SV2C: variants seen among roughly 807,000 people sequenced by gnomAD.
The protein encoded by SV2C is solute carrier family 22 member B3.
Under a neutral mutation model 79.7 loss-of-function variants are expected in SV2C, and 49 were observed. The observed-to-expected ratio is 0.61, with a 90% confidence interval of 0.49 to 0.78. The LOEUF (loss-of-function observed/expected upper bound fraction) is 0.78. SV2C is among the 30% of genes least tolerant of loss of function. The pLI is 0.00. For missense variants in SV2C, 833 were observed against 912.9 expected, an observed-to-expected ratio of 0.91 and a Z score of 1.13; for synonymous variants, 334 against 333.2, an observed-to-expected ratio of 1.00 and a Z score of -0.03.
the SV2C span, among the ~76,000 whole-genome samples, chr5:75,956,536 T>G: frequency 6.6e-6 from 1 of 151,876 alleles, no homozygotes; most frequent in Admixed American, 6.6e-5. Context: ...CTCTAAAACT[T>G]AAAGTATAAA....
At chr5:76,106,295 C>T (rs992776172) in intron 1 of SV2C, among the ~76,000 whole-genome samples, 1 of 152,128 alleles carries the variant, frequency 6.6e-6, no homozygotes, top group Non-Finnish European at 1.5e-5. Flanking sequence ...TCTACTATCC[C>T]GTGCCCCCTC....
chr5:76,063,945 C>G, the SV2C span, among the ~76,000 whole-genome samples: 1 of 151,982 alleles, frequency 6.6e-6, no homozygotes, highest in East Asian at 1.9e-4. Context: ...GGCAGATGTA[C>G]CCTGGATGCC....
At chr5:75,916,783 C>A in the SV2C span, among the ~76,000 whole-genome samples, 1 of 149,996 alleles carries the variant, frequency 6.7e-6, no homozygotes, top group African/African-American at 2.4e-5. Flanking sequence ...TCCTCATCAT[C>A]TTCTTTACCT....
chr5:76,185,597 C>G (rs966271137), intron 2 of SV2C, among the ~76,000 whole-genome samples: 39 of 152,358 alleles, frequency 2.6e-4, no homozygotes, highest in Non-Finnish European at 5.3e-4. Flanking sequence ...GGGGCTTGCA[C>G]TCTCTGAAGC....
At chr5:75,949,604 A>G in the SV2C span, among the ~76,000 whole-genome samples, 1 of 151,944 alleles carries the variant, frequency 6.6e-6, no homozygotes, top group Non-Finnish European at 1.5e-5. Flanking sequence ...ATGGTGGTGA[A>G]TATGTCTCAC....
chr5:76,065,068 G>T, the SV2C span, among the ~76,000 whole-genome samples: 3 of 151,980 alleles, frequency 2.0e-5, no homozygotes, highest in African/African-American at 2.4e-5. Context: ...TTTTAGCTTC[G>T]CTGGAAAAAA....
chr5:76,203,436 A>G (rs781589959), intron 3 of SV2C, among the ~76,000 whole-genome samples: 1 of 152,248 alleles, frequency 6.6e-6, no homozygotes. Context: ...ATAGAACATC[A>G]TAATGATCAT....
chr5:75,962,252 G>C, the SV2C span, among the ~76,000 whole-genome samples: 1 of 152,052 alleles, frequency 6.6e-6, no homozygotes, highest in Non-Finnish European at 1.5e-5. Flanking sequence ...TTCCTTTATA[G>C]TGTTTGTGAT....
At chr5:76,221,720 A>G (rs2112378375) in intron 4 of SV2C, among the ~76,000 whole-genome samples, 2 of 152,268 alleles carry the variant, frequency 1.3e-5, no homozygotes, top group East Asian at 3.9e-4. Context: ...AGAGTGGATT[A>G]GACTTCCCTG....
intron 8 of SV2C, 44 bp downstream of exon 8, chr5:76,291,900 C>A (rs748518707): frequency 1.4e-6 from 2 of 1,390,704 alleles, no homozygotes; most frequent in East Asian, 2.3e-5. Context: ...CGTTCAATGT[C>A]CACATTGTAA....
chr5:76,198,428 A>ACT (rs1744337567), intron 3 of SV2C, among the ~76,000 whole-genome samples: 1 of 151,976 alleles, frequency 6.6e-6, no homozygotes, highest in African/African-American at 2.4e-5. Flanking sequence ...TGCACATGCC[A>ACT]GCTCCCCTTT....
the SV2C span, among the ~76,000 whole-genome samples, chr5:75,907,896 G>A: frequency 3.9e-5 from 6 of 152,182 alleles, no homozygotes; most frequent in African/African-American, 1.4e-4. Context: ...TGCAGCATGG[G>A]TCTGCGATAA....
chr5:76,270,508 G>A (rs1460931995), intron 4 of SV2C, among the ~76,000 whole-genome samples: 1 of 152,202 alleles, frequency 6.6e-6, no homozygotes, highest in Non-Finnish European at 1.5e-5. Context: ...ATTCTTGCTG[G>A]TGAGCCTTTG....
the SV2C span, among the ~76,000 whole-genome samples, chr5:75,945,538 C>T: frequency 6.6e-6 from 1 of 152,020 alleles, no homozygotes; most frequent in African/African-American, 2.4e-5. Context: ...AGGCTGGTCT[C>T]AAACTCCTAG....
intron 4 of SV2C, among the ~76,000 whole-genome samples, chr5:76,232,845 T>G (rs1300375583): frequency 1.4e-5 from 2 of 143,650 alleles, no homozygotes; most frequent in Non-Finnish European, 2.9e-5. Context: ...ACTGTAGCCT[T>G]GTAGCATAGT....
At chr5:76,161,560 C>T (rs1260979293) in intron 2 of SV2C, among the ~76,000 whole-genome samples, 1 of 152,036 alleles carries the variant, frequency 6.6e-6, no homozygotes, top group East Asian at 1.9e-4. Context: ...GTCTTGAATT[C>T]CTGGGCTCTA....
At chr5:76,074,636 C>T in the SV2C span, among the ~76,000 whole-genome samples, 1 of 152,176 alleles carries the variant, frequency 6.6e-6, no homozygotes, top group Non-Finnish European at 1.5e-5. Context: ...CTTCCTTTCT[C>T]ATCTCTACCC....
In SV2C at chr5:76,281,108, A is replaced by T. The variant is rs1458611355; in HGVS notation, c.914-4054A>T. ...ACTAAAAAAACTAAAGCAGTAGAGA[A>T]TTACCTTATACAGATGACAAGATAT... On this transcript the variant is annotated intron_variant, in intron 4 of 12. Transcript: ENST00000502798. 1.7e-5 allele frequency: 9 copies of T among 542,348 alleles called. No individual in the cohort carries two copies. In the East Asian group the frequency reaches 4.8e-4, roughly 29 times the overall value. The allele number at this position is 542,348 out of a possible 1,614,324, so 33.6% of individuals were successfully genotyped here.
the SV2C span, among the ~76,000 whole-genome samples, chr5:75,993,800 G>T: frequency 5.2e-4 from 79 of 151,992 alleles, no homozygotes; most frequent in Non-Finnish European, 2.9e-5. Context: ...AGCTTTTCAC[G>T]TGATGTCATC....
Sources: gnomAD v4.1 joint callset for allele counts (sites outside exome capture counted in the v4.1 genomes callset) on GRCh38, gnomAD v4.1.1 for gene constraint, MANE v1.5 for transcripts, NCBI Gene and HGNC (gene_info 2026-07-23, HGNC 2026-07-21) for gene names.